The following URI1 variants were observed in gnomAD, a reference collection of about 807,000 sequenced individuals.
The protein encoded by URI1 is URI1 prefoldin like chaperone, also known as unconventional prefoldin RPB5 interactor 1.
A neutral mutation model predicts 60.2 loss-of-function variants in URI1; 39 were observed. That is an observed-to-expected ratio of 0.65 (90% CI 0.50 to 0.85). The LOEUF (loss-of-function observed/expected upper bound fraction) is 0.85. URI1 is among the 40% of genes least tolerant of loss of function. URI1 has a pLI of 0.00. For missense variants in URI1, 691 were observed against 665.9 expected, an observed-to-expected ratio of 1.04 and a Z score of -0.42; for synonymous variants, 251 against 236.8, an observed-to-expected ratio of 1.06 and a Z score of -0.55.
intron 1 of URI1, among the ~76,000 whole-genome samples, chr19:29,957,806 G>C (rs1396051085): frequency 1.3e-5 from 2 of 150,922 alleles, no homozygotes; most frequent in Non-Finnish European, 2.9e-5. Flanking sequence ...TTTAGTATTA[G>C]CTTTTAAAAG....
intron 1 of URI1, among the ~76,000 whole-genome samples, chr19:29,963,409 G>T (rs2055350664): frequency 6.6e-6 from 1 of 151,714 alleles, no homozygotes; most frequent in Non-Finnish European, 1.5e-5. Context: ...TTTAATTTTT[G>T]GTTCTTCAGT....
At chr19:29,925,290 T>G (rs1568398419) in intron 1 of URI1, among the ~76,000 whole-genome samples, 1 of 152,236 alleles carries the variant, frequency 6.6e-6, no homozygotes, top group Non-Finnish European at 1.5e-5. Flanking sequence ...AATTGAGAGT[T>G]CCTTTTGGGC....
chr19:29,997,895 G>C (rs922164730), intron 4 of URI1, among the ~76,000 whole-genome samples: 4 of 152,056 alleles, frequency 2.6e-5, no homozygotes, highest in Admixed American at 2.6e-4. Flanking sequence ...CTCCCTAGTA[G>C]TTGGGACTAC....
chr19:29,945,860 G>A lies in URI1; in HGVS notation c.117+3196G>A, dbSNP rs150167753. Among the ~76,000 whole-genome samples, 1,194 of 150,908 alleles carry A rather than the reference G, an allele frequency of 7.9e-3. 8 individuals are homozygous for A. Among genetic ancestry groups the A allele is most frequent in the Middle Eastern group, 0.017 (5 of 294 alleles). On this transcript the variant is annotated intron_variant, in intron 1 of 10. Transcript: ENST00000392271. ...CCTAAAAGTTTGTAAAATTGGATGG[G>A]ATTTTTTTTTTTCCAAAAAAAGCTA...
In URI1 at chr19:29,973,863, T is replaced by C. The variant is rs79820700; in HGVS notation, c.152+2636T>C. Reference sequence around the variant, plus strand: ...CTAATAATAATGGTTTTCAGTTTAGTGAGGATTTAAAAAATGTTTTTGAAT... The same window carrying C: ...CTAATAATAATGGTTTTCAGTTTAGCGAGGATTTAAAAAATGTTTTTGAAT... On this transcript the variant is annotated intron_variant, in intron 2 of 10. Coordinates refer to ENST00000392271, the MANE Select transcript of URI1 (RefSeq NM_003796.3). Among the ~76,000 whole-genome samples the C allele has an allele frequency of 7.1e-3, 1,083 of 152,306 alleles. 10 individuals carry two copies. Among genetic ancestry groups the C allele is most frequent in the African/African-American group, 0.024 (1,008 of 41,574 alleles).
Position 30,005,403 on chromosome 19 carries a change from A to G in URI1, c.410A>G (p.Asn137Ser), listed in dbSNP as rs199910353. 6.2e-7 allele frequency: 1 copy of G among 1,604,616 alleles called. No individual in the cohort carries two copies. The highest frequency in any genetic ancestry group is 1.7e-5 in the Admixed American group (1 of 57,842). The change falls in exon 5 of 11, where the codon AAT (asparagine) becomes AGT (serine). Residue 137 changes from asparagine (N) to serine (S), a missense_variant. Asn to Ser is a conservative substitution (Grantham distance 46). Coordinates refer to ENST00000392271, the MANE Select transcript of URI1 (RefSeq NM_003796.3). Reference protein sequence around the residue: ...TIDDLKKVMKNFESRVEFTED... With the variant: ...TIDDLKKVMKSFESRVEFTED... Reference sequence around the variant, plus strand: ...GATGACTTAAAAAAAGTGATGAAAAATTTTGAATCCAGAGTTGAATTCACA... The same window carrying G: ...GATGACTTAAAAAAAGTGATGAAAAGTTTTGAATCCAGAGTTGAATTCACA...
intron 2 of URI1, among the ~76,000 whole-genome samples, chr19:29,975,303 G>A (rs1211843525): frequency 1.3e-5 from 2 of 151,864 alleles, no homozygotes; most frequent in African/African-American, 2.4e-5. Flanking sequence ...AATCTAAGCC[G>A]TATCATTCCA....
At chr19:29,924,522 T>G (rs1055850813) in intron 1 of URI1, among the ~76,000 whole-genome samples, 1 of 152,198 alleles carries the variant, frequency 6.6e-6, no homozygotes, top group Non-Finnish European at 1.5e-5. Context: ...CTTGATTTCT[T>G]TCTGAGGAAT....
At chr19:29,990,907 G>A (rs2055738211) in intron 4 of URI1, among the ~76,000 whole-genome samples, 1 of 152,240 alleles carries the variant, frequency 6.6e-6, no homozygotes, top group Non-Finnish European at 1.5e-5. Flanking sequence ...AAATGAATGA[G>A]CCATTTTGTG....
chr19:29,970,986 G>T, intron 1 of URI1: 1 of 554,626 alleles, frequency 1.8e-6, no homozygotes, highest in Non-Finnish European at 3.2e-6. Flanking sequence ...AATTTGTTCT[G>T]CAGTTATCAG....
intron 1 of URI1, among the ~76,000 whole-genome samples, chr19:29,969,029 A>G (rs1005562467): frequency 1.1e-4 from 16 of 152,206 alleles, no homozygotes; most frequent in African/African-American, 1.9e-4. Context: ...ACATGCCATC[A>G]GAAGGCTAGT....
intron 4 of URI1, among the ~76,000 whole-genome samples, chr19:29,994,253 G>A (rs1383992555): frequency 1.3e-5 from 2 of 152,012 alleles, no homozygotes; most frequent in Non-Finnish European, 2.9e-5. Flanking sequence ...CTTATTGTAG[G>A]CCCCCTGGCA....
upstream of URI1, among the ~76,000 whole-genome samples, chr19:29,939,858 G>A (rs1048183387): frequency 3.9e-5 from 6 of 152,152 alleles, no homozygotes; most frequent in African/African-American, 1.4e-4. Context: ...TGAGTGGTAG[G>A]GGGCTTGGTT....
intron 1 of URI1, among the ~76,000 whole-genome samples, chr19:29,947,147 C>T (rs750663293): frequency 1.3e-5 from 2 of 152,098 alleles, no homozygotes; most frequent in African/African-American, 2.4e-5. Flanking sequence ...AGTATGAGAG[C>T]AGTACCAGAT....
chr19:29,965,197 A>G (rs1198444664), intron 1 of URI1, among the ~76,000 whole-genome samples: 1 of 152,140 alleles, frequency 6.6e-6, no homozygotes. Context: ...TCAGGCTCTG[A>G]TGTCCAAAGT....
At chr19:29,985,151 A>ATCGTT in intron 2 of URI1, 72 bp from the exon 3 acceptor site, 11 of 268,004 alleles carry the variant, frequency 4.1e-5, no homozygotes, top group South Asian at 1.6e-4. Flanking sequence ...AAAAAAAAAA[A>ATCGTT]AAAAAAAAAA....
intron 1 of URI1, among the ~76,000 whole-genome samples, chr19:29,932,946 C>A (rs2145200411): frequency 6.6e-6 from 1 of 152,360 alleles, no homozygotes; most frequent in East Asian, 1.9e-4. Flanking sequence ...AGCCACCACA[C>A]CCGGACTACA....
At chr19:29,964,464 G>GT (rs373357906) in intron 1 of URI1, among the ~76,000 whole-genome samples, 10,890 of 124,600 alleles carry the variant, frequency 0.087, 698 homozygotes, top group East Asian at 0.22. Flanking sequence ...TTTTTGTTTT[G>GT]TTTTTTTTTT....
At chr19:29,985,178 GAA>G (rs753855664) in intron 2 of URI1, 43 bp from the exon 3 acceptor site, 1 of 198,148 alleles carries the variant, frequency 5.0e-6, no homozygotes, top group East Asian at 1.1e-4. Context: ...AAAAAAAAAA[GAA>G]AAATCGTTAA....
Sources: allele counts gnomAD v4.1 joint callset (sites outside exome capture counted in the v4.1 genomes callset), GRCh38; gene constraint gnomAD v4.1.1; transcripts MANE v1.5; gene names NCBI Gene and HGNC (gene_info 2026-07-23, HGNC 2026-07-21).